The following MYOCD variants were observed in gnomAD, a reference collection of about 807,000 sequenced individuals.
MYOCD encodes myocardin.
In MYOCD, 32 loss-of-function variants were observed where a neutral mutation model predicts 96.1. The observed-to-expected ratio is 0.33, with a 90% CI of 0.25 to 0.45. The LOEUF (loss-of-function observed/expected upper bound fraction) is 0.45, where lower values mean the gene tolerates loss of function less well. Ranked by LOEUF, MYOCD falls within the 20% of genes least tolerant of loss-of-function variation. The probability of loss-of-function intolerance (pLI) is 1.00; values close to 1 mark genes in which losing one functional copy is unlikely to be tolerated. For synonymous variants in MYOCD, 469 were observed against 469.0 expected (o/e 1.00, Z 0.00); for missense variants, 1,133 against 1,200.6 (o/e 0.94, Z 0.83).
At chr17:12,672,353 C>T (rs970686494) in intron 1 of MYOCD, among the ~76,000 whole-genome samples, 3 of 152,160 alleles carry the variant, frequency 2.0e-5, no homozygotes, top group Middle Eastern at 3.4e-3. Flanking sequence ...GACCATTAGC[C>T]CAATAATAGT....
rs1265687342 is a variant in MYOCD, at chr17:12,766,242, TTCC to T, written c.*2600_*2602del. ...CCTGGGACTGAGTGTTAATTATTTT[TTCC>T]TTGGGTATTTCTATCTGAGAGACTA... On this transcript the variant is annotated 3_prime_UTR_variant, in exon 14 of 14. Transcript: ENST00000425538. 1 of 152,204 alleles carries T rather than the reference TTCC, an allele frequency of 6.6e-6. No individual in the cohort carries two copies. The highest frequency in any genetic ancestry group is 1.5e-5 in the Non-Finnish European group (1 of 68,038). 9.4% of individuals were successfully genotyped at this position (152,204 alleles called of 1,614,324 possible).
intron 1 of MYOCD, among the ~76,000 whole-genome samples, chr17:12,680,841 TAGTGAC>T (rs1255711352): frequency 6.6e-6 from 1 of 152,222 alleles, no homozygotes; most frequent in African/African-American, 2.4e-5. Context: ...TGAACACTTG[TAGTGAC>T]AGTGTTGTCA....
intron 2 of MYOCD, 21 bp downstream of exon 2, chr17:12,705,214 A>C (rs750558979): frequency 1.3e-6 from 2 of 1,573,582 alleles, no homozygotes; most frequent in Admixed American, 3.3e-5. Flanking sequence ...GCATCTCTTA[A>C]TTACTGATAT....
In MYOCD at chr17:12,765,218, G is replaced by T. The variant is rs916199092; in HGVS notation, c.*1574G>T. 4.0e-5 allele frequency: 6 copies of T among 151,740 alleles called. No homozygotes were observed. Among genetic ancestry groups the T allele is most frequent in the Admixed American group, 2.0e-4 (3 of 15,222 alleles). 9.4% of individuals were successfully genotyped at this position (151,740 alleles called of 1,614,324 possible). A position where few individuals can be genotyped will look rare whatever the true frequency, so the allele number is the denominator to read the frequency against. ...CTCTGTAAGGCTCTCTGTGGCTCCA[G>T]TTCACCATTTTATATTGTTGCATGC... On this transcript the variant is annotated 3_prime_UTR_variant, in exon 14 of 14. Transcript: ENST00000425538.
intron 1 of MYOCD, among the ~76,000 whole-genome samples, chr17:12,697,746 T>G (rs1443497617): frequency 6.6e-6 from 1 of 152,062 alleles, no homozygotes; most frequent in Non-Finnish European, 1.5e-5. Context: ...TTTAGTATTT[T>G]TGCTGCTAAA....
Position 12,739,294 on chromosome 17 carries a change from C to T in MYOCD, c.683C>T (p.Pro228Leu). ...GCGGGGAAGCAGGGGCTTGGCCCCC[C>T]CAGCACCCCCATAGCCGTGCATGCT... is the stretch of plus-strand genomic sequence containing the variant. Reference protein sequence around the residue: ...SDAGKQGLGPPSTPIAVHAAV... With the variant: ...SDAGKQGLGPLSTPIAVHAAV... The change falls in exon 7 of 14, where the codon CCC (proline) becomes CTC (leucine). Residue 228 changes from proline (P) to leucine (L), a missense_variant. Transcript: ENST00000425538. 1.2e-6 allele frequency: 2 copies of T among 1,608,404 alleles called. No individual in the cohort carries two copies. The highest frequency in any genetic ancestry group is 1.1e-5 in the South Asian group (1 of 89,686).
chr17:12,756,693 CTCA>C, intron 11 of MYOCD, 136 bp downstream of exon 11: 6 of 114,866 alleles, frequency 5.2e-5, no homozygotes, highest in Non-Finnish European at 6.3e-5. Context: ...GAGACTGCAT[CTCA>C]AAAAAAAAAA....
At chr17:12,746,925 C>T (rs1420511088) in intron 9 of MYOCD, among the ~76,000 whole-genome samples, 2 of 151,976 alleles carry the variant, frequency 1.3e-5, no homozygotes, top group African/African-American at 4.8e-5. Context: ...GACAGGGTTT[C>T]ACCAGTTGGC....
intron 1 of MYOCD, among the ~76,000 whole-genome samples, chr17:12,692,745 G>A (rs923721302): frequency 2.6e-5 from 4 of 152,084 alleles, no homozygotes; most frequent in African/African-American, 9.7e-5. Context: ...GCCGCACCTG[G>A]TTCTCCCTCT....
Position 12,666,220 on chromosome 17 carries a change from T to A in MYOCD, c.32T>A (p.Leu11Gln). The A allele has an allele frequency of 6.2e-7, 1 of 1,613,866 alleles. No individual in the cohort carries two copies. Among genetic ancestry groups the A allele is most frequent in the Non-Finnish European group, 8.5e-7 (1 of 1,179,748 alleles). ...CTCCTGGGGTCTGAGCATTCCTTGC[T>A]GATTAGGAGCAAGTTCAGATCAGGT... MTLLGSEHSL[L>Q]IRSKFRSVLQ... The change falls in exon 1 of 14, where the codon CTG (leucine) becomes CAG (glutamine). Residue 11 changes from leucine (L) to glutamine (Q), a missense_variant. Leu to Gln is a moderately radical substitution (Grantham distance 113). Transcript: ENST00000425538.
chr17:12,728,510 G>A (rs142527429), intron 5 of MYOCD, among the ~76,000 whole-genome samples: 3,104 of 152,032 alleles, frequency 0.02, 119 homozygotes, highest in African/African-American at 0.071. Context: ...ACAGAGTTTC[G>A]CTCTTGTTGC....
At chr17:12,754,401 C>T (rs769968535) in intron 10 of MYOCD, among the ~76,000 whole-genome samples, 17 of 152,258 alleles carry the variant, frequency 1.1e-4, no homozygotes, top group East Asian at 1.9e-4. Context: ...CATGCCCAGC[C>T]GGAAATTTGC....
chr17:12,731,720 T>C (rs2032176570), intron 5 of MYOCD, among the ~76,000 whole-genome samples: 1 of 152,104 alleles, frequency 6.6e-6, no homozygotes, highest in Non-Finnish European at 1.5e-5. Context: ...CCTGAACTGG[T>C]AGAACCAAAA....
intron 4 of MYOCD, 69 bp from the exon 5 acceptor site, chr17:12,722,777 CA>C: frequency 7.3e-7 from 1 of 1,375,006 alleles, no homozygotes; most frequent in Non-Finnish European, 1.0e-6. Context: ...AACCACAAGC[CA>C]AAAAACAAAA....
At chr17:12,711,666 C>G (rs1212977339) in intron 2 of MYOCD, among the ~76,000 whole-genome samples, 1 of 152,120 alleles carries the variant, frequency 6.6e-6, no homozygotes. Context: ...TTTCTCTGGA[C>G]AGACATACTC....
At chr17:12,705,031 T>G in intron 1 of MYOCD, 97 bp from the exon 2 acceptor site, 1 of 760,618 alleles carries the variant, frequency 1.3e-6, no homozygotes, top group Admixed American at 2.7e-5. Context: ...AGAACTCTTT[T>G]AGAAATAAAA....
chr17:12,764,538 C>T lies in MYOCD; in HGVS notation c.*894C>T, dbSNP rs2033281221. On this transcript the variant is annotated 3_prime_UTR_variant, in exon 14 of 14. Coordinates refer to ENST00000425538, the MANE Select transcript of MYOCD (RefSeq NM_001146312.3). ...ATATCTCGAGGCACAGGAAGGGAGC[C>T]CCACCAGGGATAATTCAGACAGGAC... 6.6e-6 allele frequency: 1 copy of T among 152,262 alleles called. No homozygotes were observed. Among genetic ancestry groups the T allele is most frequent in the African/African-American group, 2.4e-5 (1 of 41,440 alleles). 9.4% of individuals were successfully genotyped at this position (152,262 alleles called of 1,614,324 possible).
At chr17:12,700,476 C>T (rs750287171) in intron 1 of MYOCD, among the ~76,000 whole-genome samples, 13 of 121,422 alleles carry the variant, frequency 1.1e-4, no homozygotes, top group Non-Finnish European at 1.5e-4. Flanking sequence ...TGCAGTGGCG[C>T]GATCTCAGCT....
intron 2 of MYOCD, among the ~76,000 whole-genome samples, chr17:12,707,902 C>T (rs1003236685): frequency 6.6e-6 from 1 of 151,978 alleles, no homozygotes; most frequent in Non-Finnish European, 1.5e-5. Flanking sequence ...CAGAGCCTAC[C>T]TAATTCTGTG....
Sources: gnomAD v4.1 joint callset for allele counts (sites outside exome capture counted in the v4.1 genomes callset) on GRCh38, gnomAD v4.1.1 for gene constraint, MANE v1.5 for transcripts, NCBI Gene and HGNC (gene_info 2026-07-23, HGNC 2026-07-21) for gene names.